The following UQCRC2 variants were observed in gnomAD, a reference collection of about 807,000 sequenced individuals.
UQCRC2 encodes the protein ubiquinol-cytochrome c reductase core protein 2.
UQCRC2 carries 49 observed loss-of-function variants against 55.6 expected under a neutral mutation model. The observed-to-expected ratio is 0.88, with a 90% CI of 0.70 to 1.12. The LOEUF (loss-of-function observed/expected upper bound fraction) is 1.12, where lower values mean the gene tolerates loss of function less well. UQCRC2 is among the 50% of genes most tolerant of loss of function. UQCRC2 has a pLI of 0.00. For missense variants in UQCRC2, 506 were observed against 547.8 expected (o/e 0.92, Z 0.76); for synonymous variants, 193 against 192.0 (o/e 1.01, Z -0.04).
Position 21,976,399 on chromosome 16 carries a change from T to C in UQCRC2, c.1124+156T>C, listed in dbSNP as rs1223783177. The C allele has an allele frequency of 4.7e-6, 3 of 638,936 alleles. 1 individual carries two copies. The highest frequency in any genetic ancestry group is 6.3e-5 in the East Asian group (2 of 31,982). The allele number at this position is 638,936 out of a possible 1,614,324, so 39.6% of individuals were successfully genotyped here. A position where few individuals can be genotyped will look rare whatever the true frequency, so the allele number is the denominator to read the frequency against. ...ACCCATATCCTACCACCTAAAGATA[T>C]AATTGTTAACATTTTGGCCAGGCAC... On this transcript the variant is annotated intron_variant, in intron 12 of 13. Transcript: ENST00000268379.
intron 8 of UQCRC2, 52 bp from the exon 9 acceptor site, chr16:21,971,473 T>C: frequency 7.1e-7 from 1 of 1,398,706 alleles, no homozygotes; most frequent in Non-Finnish European, 1.0e-6. Context: ...TATTTTACGA[T>C]TGTGTTTTAG....
intron 7 of UQCRC2, among the ~76,000 whole-genome samples, 200 bp downstream of exon 7, chr16:21,965,705 C>G (rs1898308995): frequency 6.6e-6 from 1 of 152,012 alleles, no homozygotes; most frequent in Non-Finnish European, 1.5e-5. Flanking sequence ...GTTTTCATGA[C>G]TAAAGGGACA....
intron 6 of UQCRC2, among the ~76,000 whole-genome samples, chr16:21,964,309 C>A (rs1898273887): frequency 6.6e-6 from 1 of 152,176 alleles, no homozygotes; most frequent in African/African-American, 2.4e-5. Flanking sequence ...ATCTATTCTG[C>A]CTGAACAGTT....
chr16:21,969,003 G>T (rs1351003133), intron 8 of UQCRC2, among the ~76,000 whole-genome samples: 3 of 152,174 alleles, frequency 2.0e-5, no homozygotes, highest in African/African-American at 4.8e-5. Context: ...AACAGGCAAA[G>T]GGCATGAACA....
chr16:21,980,777 C>T (rs879856861), intron 13 of UQCRC2, 77 bp downstream of exon 13: 239 of 1,530,790 alleles, frequency 1.6e-4, no homozygotes, highest in Non-Finnish European at 1.8e-4. Flanking sequence ...GATGCATAAG[C>T]GTCCTTGGGC....
chr16:21,961,474 A>G lies in UQCRC2; in HGVS notation c.333-986A>G, dbSNP rs1898197018. 1.7e-5 allele frequency: 4 copies of G among 237,852 alleles called. No individual in the cohort carries two copies. The South Asian group carries it at 1.8e-4, about 11-fold the overall frequency. The allele number at this position is 237,852 out of a possible 1,614,324, so 14.7% of individuals were successfully genotyped here. Reference sequence around the variant, plus strand: ...TTCAAGATTTCTTTAAGGTATTTTAATTTTTTAAGCAGAAAAATACTATGT... The same window carrying G: ...TTCAAGATTTCTTTAAGGTATTTTAGTTTTTTAAGCAGAAAAATACTATGT... On this transcript the variant is annotated intron_variant, in intron 4 of 13. Coordinates refer to ENST00000268379, the MANE Select transcript of UQCRC2 (RefSeq NM_003366.4).
rs1408394328 is a variant in UQCRC2 at position 21,957,315 on chromosome 16, T to C, written c.114T>C (p.Leu38=). Residue 38 remains leucine, a synonymous_variant, in exon 2 of 14, where the codon CTT becomes CTC. Coordinates refer to ENST00000268379, the MANE Select transcript of UQCRC2 (RefSeq NM_003366.4). ...PAGAPPQPQD[L]EFTKLPNGLV... ...GAGCACCGCCACAACCTCAGGACCT[T>C]GAGGTTAGTCCCACTAACTTGCTCG... 3.1e-6 allele frequency: 5 copies of C among 1,614,066 alleles called. No homozygotes were observed. The South Asian group carries it at 3.3e-5, about 11-fold the overall frequency.
chr16:21,960,292 A>T (rs368498110), intron 4 of UQCRC2, among the ~76,000 whole-genome samples: 2 of 152,192 alleles, frequency 1.3e-5, no homozygotes, highest in African/African-American at 2.4e-5. Context: ...GTGTACTATT[A>T]TATTAAGAAG....
Position 21,983,498 on chromosome 16 carries a change from G to A in UQCRC2, c.*327G>A, listed in dbSNP as rs1376528752. The A allele has an allele frequency of 1.2e-5, 4 of 341,484 alleles. No individual in the cohort carries two copies. The highest frequency in any genetic ancestry group is 1.6e-5 in the Non-Finnish European group (3 of 191,464). The allele number at this position is 341,484 out of a possible 1,614,324, so 21.2% of individuals were successfully genotyped here. A position where few individuals can be genotyped will look rare whatever the true frequency, so the allele number is the denominator to read the frequency against. On this transcript the variant is annotated 3_prime_UTR_variant, in exon 14 of 14. Coordinates refer to ENST00000268379, the MANE Select transcript of UQCRC2 (RefSeq NM_003366.4). ...TTAAAATTAAGGCTAAGTGGCTATC[G>A]GGGTAAATAGTGCCAGATTACTATT...
intron 1 of UQCRC2, among the ~76,000 whole-genome samples, chr16:21,956,121 G>A (rs145129006): frequency 6.6e-6 from 1 of 151,376 alleles, no homozygotes; most frequent in African/African-American, 2.4e-5. Context: ...CACCGCACCC[G>A]GCTAGTTTGT....
chr16:21,966,281 C>T (rs1439196990), intron 7 of UQCRC2, among the ~76,000 whole-genome samples: 2 of 152,166 alleles, frequency 1.3e-5, no homozygotes, highest in African/African-American at 2.4e-5. Context: ...GTTCCATCCT[C>T]GCTCACTCAT....
At position 21,958,560 on chromosome 16, in the gene UQCRC2, A is replaced by G; in HGVS notation, c.293A>G (p.Lys98Arg). 1 of 1,612,784 alleles carries G rather than the reference A, an allele frequency of 6.2e-7. No individual in the cohort carries two copies. Among genetic ancestry groups the G allele is most frequent in the East Asian group, 2.2e-5 (1 of 44,802 alleles). The change falls in exon 4 of 14, where the codon AAG (lysine) becomes AGG (arginine). Residue 98 changes from lysine (K) to arginine (R), a missense_variant. Physicochemically the swap from Lys to Arg is conservative, Grantham distance 26. Coordinates refer to ENST00000268379, the MANE Select transcript of UQCRC2 (RefSeq NM_003366.4). ...ACGACAAAAGGAGCTTCATCTTTCA[A>G]GATAACCCGTGGAATTGAAGCAGTT... is the stretch of plus-strand genomic sequence containing the variant. Reference protein sequence around the residue: ...SLTTKGASSFKITRGIEAVGG... With the variant: ...SLTTKGASSFRITRGIEAVGG...
intron 13 of UQCRC2, among the ~76,000 whole-genome samples, chr16:21,981,844 C>CTT (rs1245008218): frequency 1.3e-4 from 18 of 142,168 alleles, no homozygotes; most frequent in Non-Finnish European, 2.5e-4. Flanking sequence ...TCATACTCTT[C>CTT]TTTTTTTTTT....
chr16:21,964,844 G>A (rs138991910), intron 6 of UQCRC2, among the ~76,000 whole-genome samples: 36 of 152,276 alleles, frequency 2.4e-4, no homozygotes, highest in Non-Finnish European at 4.4e-4. Context: ...ACAGTGCCTC[G>A]CATAGGCAAG....
chr16:21,980,522 C>T, intron 12 of UQCRC2, 25 bp from the exon 13 acceptor site: 1 of 1,605,594 alleles, frequency 6.2e-7, no homozygotes. Flanking sequence ...CTCTCTAAAA[C>T]TGACTTCTGC....
At position 21,972,035 on chromosome 16, in the gene UQCRC2, C is replaced by G; in HGVS notation, c.879C>G (p.Leu293=). The G allele has an allele frequency of 6.2e-7, 1 of 1,614,162 alleles. No individual in the cohort carries two copies. Among genetic ancestry groups the G allele is most frequent in the Non-Finnish European group, 8.5e-7 (1 of 1,180,012 alleles). Residue 293 remains leucine (L), a synonymous_variant, in exon 10 of 14, where the codon CTC becomes CTG. Transcript: ENST00000268379. The part of the protein sequence containing the change: ...ANAFSVLQHV[L]GAGPHVKRGS... The stretch of plus-strand genomic sequence containing the variant: ...CATTTAGTGTTCTTCAGCATGTCCT[C>G]GGTGCTGGGCCACATGTCAAGAGGG...
Position 21,976,213 on chromosome 16 carries a change from A to G in UQCRC2, c.1094A>G (p.Asn365Ser). 1.2e-6 allele frequency: 2 copies of G among 1,614,020 alleles called. No individual in the cohort carries two copies. The highest frequency in any genetic ancestry group is 1.7e-6 in the Non-Finnish European group (2 of 1,179,922). ...YNQVKTIAQG[N>S]LSNTDVQAAK... ...CAAGTAAAAACAATAGCTCAAGGAA[A>G]CCTTTCCAACACAGATGTCCAAGCT... The change falls in exon 12 of 14, where the codon AAC becomes AGC. Residue 365 changes from asparagine (N) to serine (S), a missense_variant. By Grantham distance (46) the Asn-to-Ser change is conservative. Coordinates refer to ENST00000268379, the MANE Select transcript of UQCRC2 (RefSeq NM_003366.4).
At chr16:21,964,485 A>G (rs946282684) in intron 6 of UQCRC2, among the ~76,000 whole-genome samples, 1 of 152,164 alleles carries the variant, frequency 6.6e-6, no homozygotes, top group South Asian at 2.1e-4. Context: ...ATCTTACCCC[A>G]GCCCACTTCT....
intron 1 of UQCRC2, among the ~76,000 whole-genome samples, chr16:21,953,911 T>C (rs1368416716): frequency 6.6e-6 from 1 of 152,174 alleles, no homozygotes; most frequent in African/African-American, 2.4e-5. Flanking sequence ...AGAACACTTA[T>C]TACAGTACCT....
Sources: allele counts gnomAD v4.1 joint callset (sites outside exome capture counted in the v4.1 genomes callset), GRCh38; gene constraint gnomAD v4.1.1; transcripts MANE v1.5; gene names NCBI Gene and HGNC (gene_info 2026-07-23, HGNC 2026-07-21).